MAP7D1: variants seen among roughly 807,000 people sequenced by gnomAD.
MAP7D1 encodes the protein MAP7 domain-containing protein 1.
Under a neutral mutation model 97.5 loss-of-function variants are expected in MAP7D1, and 30 were observed. The ratio of observed to expected loss-of-function variants is 0.31; its 90% CI spans 0.23 to 0.42. The LOEUF is 0.42. MAP7D1 is among the 10% of genes least tolerant of loss of function. The pLI is 1.00. For synonymous variants in MAP7D1, 536 were observed against 477.1 expected (o/e 1.12, Z -1.61); for missense variants, 1,184 against 1,179.5 (o/e 1.00, Z -0.06).
At chr1:36,158,624 A>G (rs1452535310) in intron 1 of MAP7D1, among the ~76,000 whole-genome samples, 2 of 152,166 alleles carry the variant, frequency 1.3e-5, no homozygotes, top group African/African-American at 4.8e-5. Context: ...AGTGTTGTCA[A>G]CCTTGTGGGG....
intron 1 of MAP7D1, among the ~76,000 whole-genome samples, chr1:36,166,097 G>A (rs1446788975): frequency 6.6e-6 from 1 of 152,160 alleles, no homozygotes; most frequent in African/African-American, 2.4e-5. Context: ...ATAAAGACCT[G>A]AAGGAGGGGA....
In MAP7D1 at chr1:36,176,184, G is replaced by T; in HGVS notation, c.851-15G>T. On this transcript the variant is annotated splice_polypyrimidine_tract_variant and intron_variant, in intron 6 of 16. Coordinates refer to ENST00000474796, the MANE Select transcript of MAP7D1 (RefSeq NM_001388490.1). This position sits in a 1 kb window ranked among gnomAD's most constrained non-coding sequence, Gnocchi z 6.1. ...CCCCCACGGTGACCGGCTTCGCCTG[G>T]CCTTCTACCCCCAGATCGCAGCCTG... The T allele has an allele frequency of 6.2e-7, 1 of 1,603,926 alleles. No homozygotes were observed.
intron 1 of MAP7D1, among the ~76,000 whole-genome samples, chr1:36,167,135 G>A (rs775427242): frequency 2.6e-5 from 4 of 152,150 alleles, no homozygotes; most frequent in Non-Finnish European, 4.4e-5. Context: ...TCTGGATGAG[G>A]TCACCAAGGG....
chr1:36,166,294 A>T lies in MAP7D1; in HGVS notation c.47-4677A>T, dbSNP rs150623918. ...GGTCGAAGAGGTCAGGATCCTGGGG[A>T]GTCCTTAATAGGCTATCATGATGAC... On this transcript the variant is annotated intron_variant, in intron 1 of 16. Coordinates refer to ENST00000474796, the MANE Select transcript of MAP7D1 (RefSeq NM_001388490.1). Among the ~76,000 whole-genome samples, 3 of 152,080 alleles carry T rather than the reference A, an allele frequency of 2.0e-5. No homozygotes were observed. In the East Asian group the frequency reaches 5.8e-4, roughly 29 times the overall value.
intron 4 of MAP7D1, among the ~76,000 whole-genome samples, chr1:36,173,108 A>G (rs1002004829): frequency 1.3e-5 from 2 of 152,222 alleles, no homozygotes; most frequent in Non-Finnish European, 2.9e-5. Context: ...AGTCCACCCA[A>G]TCCTCAGAGA....
intron 16 of MAP7D1, 45 bp downstream of exon 16, chr1:36,180,112 C>A: frequency 6.2e-7 from 1 of 1,610,720 alleles, no homozygotes; most frequent in Non-Finnish European, 8.5e-7. Flanking sequence ...CTCCCAGCAG[C>A]CTTCCCTGTA....
At chr1:36,161,330 G>A (rs1484602961) in intron 1 of MAP7D1, among the ~76,000 whole-genome samples, 6 of 152,178 alleles carry the variant, frequency 3.9e-5, no homozygotes, top group African/African-American at 1.4e-4. Context: ...ATTCCCCAGA[G>A]TTTGCCCTTT....
chr1:36,173,291 A>G (rs1397806393), intron 4 of MAP7D1, 73 bp from the exon 5 acceptor site: 1 of 1,125,296 alleles, frequency 8.9e-7, no homozygotes, highest in Admixed American at 2.0e-5. Context: ...TCACAGGAGG[A>G]AGAAGGGCCT....
chr1:36,179,732 C>T lies in MAP7D1; in HGVS notation c.2294C>T (p.Pro765Leu), dbSNP rs1443247458. ...AAGGAGGCTGTGCAGAAAGAGGAGC[C>T]CATCCCACAGGAGCCTCAGTGGAGG... Reference protein sequence around the residue: ...LQKEAVQKEEPIPQEPQWSLP... With the variant: ...LQKEAVQKEELIPQEPQWSLP... Residue 765 changes from proline to leucine, a missense_variant, in exon 15 of 17, where the codon CCC becomes CTC. By Grantham distance (98) the Pro-to-Leu change is moderately conservative (BLOSUM62 -3). Transcript: ENST00000474796. 4.6e-6 allele frequency: 7 copies of T among 1,519,562 alleles called. No homozygotes were observed. The Admixed American group carries it at 1.6e-4, about 35-fold the overall frequency. The allele number at this position is 1,519,562 out of a possible 1,614,324, so 94.1% of individuals were successfully genotyped here. A position where few individuals can be genotyped will look rare whatever the true frequency, so the allele number is the denominator to read the frequency against.
chr1:36,180,338 A>G lies in MAP7D1; in HGVS notation c.*80A>G. 6.2e-7 allele frequency: 1 copy of G among 1,603,656 alleles called. No individual in the cohort carries two copies. The highest frequency in any genetic ancestry group is 1.1e-5 in the South Asian group (1 of 90,864). Reference sequence around the variant, plus strand: ...CAGGATGTCTGGAGGAGAAAAAGACAGAACAAAGATGGAAGTGGCCTGGGC... The same window carrying G: ...CAGGATGTCTGGAGGAGAAAAAGACGGAACAAAGATGGAAGTGGCCTGGGC... On this transcript the variant is annotated 3_prime_UTR_variant, in exon 17 of 17. Coordinates refer to ENST00000474796, the MANE Select transcript of MAP7D1 (RefSeq NM_001388490.1).
intron 3 of MAP7D1, 168 bp downstream of exon 3, chr1:36,171,749 G>A (rs1644546898): frequency 3.6e-6 from 2 of 557,406 alleles, no homozygotes; most frequent in East Asian, 3.7e-5. Context: ...CCTGACCAAT[G>A]TGGAGAAACC....
intron 1 of MAP7D1, 26 bp downstream of exon 1, chr1:36,156,489 A>G: frequency 7.1e-7 from 1 of 1,412,744 alleles, no homozygotes. Context: ...CGCGGAGGCG[A>G]GATGGGGGTA....
rs372232184 is a variant in MAP7D1 at position 36,166,579 on chromosome 1, C to T, written c.47-4392C>T. ...TAATTTTTTGTGTTTTTAGTACAGA[C>T]GGGGTTTCACCGTGTTGGCCAGGAT... On this transcript the variant is annotated intron_variant, in intron 1 of 16. Coordinates refer to ENST00000474796, the MANE Select transcript of MAP7D1 (RefSeq NM_001388490.1). Among the ~76,000 whole-genome samples, 11 of 152,148 alleles carry T rather than the reference C, an allele frequency of 7.2e-5. No homozygotes were observed. The South Asian group carries it at 2.3e-3, about 32-fold the overall frequency.
rs958299736 is a variant in MAP7D1 at position 36,178,672 on chromosome 1, C to T, written c.1887-13C>T. Reference sequence around the variant, plus strand: ...GCAGAGGCCGAGCCTGAGCCGTTTGCTCCGTCCCCCAGGCGAATGCGAGAG... The same window carrying T: ...GCAGAGGCCGAGCCTGAGCCGTTTGTTCCGTCCCCCAGGCGAATGCGAGAG... On this transcript the variant is annotated splice_polypyrimidine_tract_variant and intron_variant, in intron 10 of 16. Transcript: ENST00000474796. 13 of 1,528,952 alleles carry T rather than the reference C, an allele frequency of 8.5e-6. No individual in the cohort carries two copies. The African/African-American group carries it at 1.5e-4, about 18-fold the overall frequency. The allele number at this position is 1,528,952 out of a possible 1,614,324, so 94.7% of individuals were successfully genotyped here. A position where few individuals can be genotyped will look rare whatever the true frequency, so the allele number is the denominator to read the frequency against.
Position 36,178,094 on chromosome 1 carries a change from G to A in MAP7D1, c.1601G>A (p.Ser534Asn). 2 of 1,603,276 alleles carry A rather than the reference G, an allele frequency of 1.2e-6. No individual in the cohort carries two copies. The highest frequency in any genetic ancestry group is 1.7e-6 in the Non-Finnish European group (2 of 1,175,570). ...EDKSQSKRRA[S>N]NEKESAAPAS... The stretch of plus-strand genomic sequence containing the variant: ...AAGAGCCAGAGCAAGCGCAGGGCCA[G>A]TAACGAGAAGGAGTCAGCAGCCCCA... The change falls in exon 9 of 17, where the codon AGT becomes AAT. Residue 534 changes from serine to asparagine, a missense_variant. Physicochemically the swap from Ser to Asn is conservative, Grantham distance 46. Transcript: ENST00000474796.
chr1:36,162,179 C>A (rs933014915), intron 1 of MAP7D1, among the ~76,000 whole-genome samples: 2 of 152,110 alleles, frequency 1.3e-5, no homozygotes, highest in Non-Finnish European at 2.9e-5. Flanking sequence ...GCTGTCTGTG[C>A]ACCCCCCACG....
intron 1 of MAP7D1, among the ~76,000 whole-genome samples, chr1:36,157,537 G>A (rs1195257298): frequency 6.6e-6 from 1 of 152,166 alleles, no homozygotes; most frequent in Non-Finnish European, 1.5e-5. Context: ...TTTGGAGGGA[G>A]GCGATTTCTC....
chr1:36,177,537 A>T, intron 8 of MAP7D1: 1 of 588,034 alleles, frequency 1.7e-6, no homozygotes, highest in Non-Finnish European at 3.3e-6. Context: ...CAACAACAAC[A>T]ACAACAACAA....
At chr1:36,175,029 T>C (rs752616380) in intron 6 of MAP7D1, 21 bp downstream of exon 6, 5 of 1,530,668 alleles carry the variant, frequency 3.3e-6, no homozygotes, top group African/African-American at 1.4e-5. Context: ...GCCCAGCCCT[T>C]CCCCCTCCAG....
Sources: gnomAD v4.1 joint callset for allele counts (sites outside exome capture counted in the v4.1 genomes callset) on GRCh38, gnomAD v4.1.1 for gene constraint, Gnocchi (gnomAD v3.1) non-coding constraint, MANE v1.5 for transcripts, NCBI Gene and HGNC (gene_info 2026-07-23, HGNC 2026-07-21) for gene names.